The following ZPLD1 variants were observed in gnomAD, a reference collection of about 807,000 sequenced individuals.
ZPLD1 encodes the protein zona pellucida like domain containing 1.
In ZPLD1, 34 loss-of-function variants were observed where a neutral mutation model predicts 47.2. The ratio of observed to expected loss-of-function variants is 0.72; its 90% CI spans 0.55 to 0.96. The LOEUF (loss-of-function observed/expected upper bound fraction) is 0.96. Among genes scored for constraint, ZPLD1 ranks in the 40% least tolerant of loss-of-function variants. The probability of loss-of-function intolerance (pLI) is 0.00; values close to 1 mark genes in which losing one functional copy is unlikely to be tolerated. For missense variants in ZPLD1, 512 were observed against 505.8 expected (o/e 1.01, Z -0.12); for synonymous variants, 176 against 186.2 (o/e 0.95, Z 0.45).
At chr3:102,471,067 C>G (rs1459295001) in intron 10 of ZPLD1, among the ~76,000 whole-genome samples, 1 of 152,076 alleles carries the variant, frequency 6.6e-6, no homozygotes, top group Non-Finnish European at 1.5e-5. Flanking sequence ...GTGATCCCAG[C>G]TCATGCTGGA....
upstream of ZPLD1, among the ~76,000 whole-genome samples, chr3:102,432,868 C>T (rs1224871865): frequency 2.0e-5 from 3 of 152,160 alleles, no homozygotes; most frequent in Admixed American, 1.3e-4. Flanking sequence ...ATGTTCCCCC[C>T]AGCAAGCTTC....
At chr3:102,418,033 A>T (rs1413220480) in intron 7 of ZPLD1, 1 of 152,124 alleles carries the variant, frequency 6.6e-6, no homozygotes, top group East Asian at 1.9e-4. Flanking sequence ...TCTAAAATTC[A>T]GTTTTTTCTT....
rs142772905 is a variant in ZPLD1 at position 102,454,919 on chromosome 3, G to C, written c.328-1274G>C. On this transcript the variant is annotated intron_variant, in intron 4 of 11. Transcript: ENST00000466937. ...TATTTTATTTTCATAGACAGAATTG[G>C]TTGGTTTAGCTATCAAATAAAGCAA... 2.9e-3 allele frequency among the ~76,000 whole-genome samples: 439 copies of C among 152,306 alleles called. 3 individuals are homozygous for C. The highest frequency in any genetic ancestry group is 0.01 in the African/African-American group (419 of 41,552).
intron 6 of ZPLD1, among the ~76,000 whole-genome samples, chr3:102,386,094 A>AT (rs776484976): frequency 2.8e-4 from 42 of 151,854 alleles, no homozygotes; most frequent in Non-Finnish European, 3.5e-4. Flanking sequence ...TCCTTGACTG[A>AT]TTTTTTTTCT....
chr3:102,460,179 A>G (rs1218601807), intron 6 of ZPLD1, among the ~76,000 whole-genome samples: 1 of 152,046 alleles, frequency 6.6e-6, no homozygotes, highest in Non-Finnish European at 1.5e-5. Flanking sequence ...AAATATTATA[A>G]TCTTTTGAAG....
At chr3:102,401,571 G>A (rs1274094111) in intron 7 of ZPLD1, among the ~76,000 whole-genome samples, 8 of 152,084 alleles carry the variant, frequency 5.3e-5, no homozygotes, top group Non-Finnish European at 1.2e-4. Flanking sequence ...AGAAAGAAGA[G>A]CATTCACTGT....
intron 3 of ZPLD1, among the ~76,000 whole-genome samples, chr3:102,449,214 T>G (rs2107331743): frequency 6.6e-6 from 1 of 152,320 alleles, no homozygotes; most frequent in East Asian, 1.9e-4. Context: ...CTACTGATAC[T>G]TCAAGACTGA....
intron 9 of ZPLD1, among the ~76,000 whole-genome samples, chr3:102,469,751 C>G (rs1408868585): frequency 6.6e-6 from 1 of 152,088 alleles, no homozygotes; most frequent in Non-Finnish European, 1.5e-5. Context: ...CGGGAAATCA[C>G]TGAGCTTAAA....
At chr3:102,470,279 A>C in intron 9 of ZPLD1, 115 bp from the exon 10 acceptor site, 1 of 731,336 alleles carries the variant, frequency 1.4e-6, no homozygotes, top group Non-Finnish European at 2.3e-6. Context: ...CACGGAAGGA[A>C]ATGAATAAAA....
At chr3:102,414,167 A>C (rs1003902554) in intron 7 of ZPLD1, among the ~76,000 whole-genome samples, 1 of 151,816 alleles carries the variant, frequency 6.6e-6, no homozygotes, top group Non-Finnish European at 1.5e-5. Context: ...CTAGAGAAGA[A>C]GGGATTCTCA....
chr3:102,466,436 G>T (rs1397883535), intron 8 of ZPLD1, among the ~76,000 whole-genome samples: 8 of 152,008 alleles, frequency 5.3e-5, no homozygotes, highest in Non-Finnish European at 1.2e-4. Context: ...TATCGAAAAT[G>T]GCAGAAAAGA....
intron 3 of ZPLD1, among the ~76,000 whole-genome samples, chr3:102,448,154 T>C (rs1223656332): frequency 6.6e-6 from 1 of 152,206 alleles, no homozygotes; most frequent in Non-Finnish European, 1.5e-5. Flanking sequence ...ATGAAAAGCT[T>C]AGCTTGATTA....
chr3:102,467,931 C>T (rs1167565419), intron 8 of ZPLD1, among the ~76,000 whole-genome samples: 1 of 151,248 alleles, frequency 6.6e-6, no homozygotes, highest in African/African-American at 2.4e-5. Context: ...ATATAACAAC[C>T]AGTAACCACT....
intron 2 of ZPLD1, among the ~76,000 whole-genome samples, chr3:102,437,755 A>T (rs1295974056): frequency 2.6e-5 from 4 of 152,206 alleles, no homozygotes; most frequent in African/African-American, 4.8e-5. Context: ...TGATACATTT[A>T]AAAAAATCTT....
chr3:102,420,928 G>A (rs1706870124), intron 8 of ZPLD1, among the ~76,000 whole-genome samples: 1 of 151,872 alleles, frequency 6.6e-6, no homozygotes, highest in African/African-American at 2.4e-5. Context: ...TATTTCTACT[G>A]CTGTATCTGT....
intron 7 of ZPLD1, among the ~76,000 whole-genome samples, chr3:102,462,910 G>A (rs151324982): frequency 1.6e-4 from 25 of 152,092 alleles, no homozygotes; most frequent in Middle Eastern, 3.4e-3. Context: ...AGCTCTAACC[G>A]TGCCCTATAA....
chr3:102,403,858 C>T (rs1401911955), intron 7 of ZPLD1, among the ~76,000 whole-genome samples: 1 of 151,582 alleles, frequency 6.6e-6, no homozygotes, highest in African/African-American at 2.4e-5. Context: ...TCAAGCCCAA[C>T]CAGTTGATGA....
intron 10 of ZPLD1, among the ~76,000 whole-genome samples, chr3:102,473,714 T>C (rs1707717772): frequency 6.6e-6 from 1 of 152,218 alleles, no homozygotes; most frequent in Non-Finnish European, 1.5e-5. Flanking sequence ...CATGAAAATA[T>C]ATATTTTTAA....
In ZPLD1 at chr3:102,435,125, G is replaced by T. The variant is rs752650477; in HGVS notation, c.-152G>T. On this transcript the variant is annotated 5_prime_UTR_variant, in exon 1 of 12. It adds an upstream start codon to the 5' untranslated region. Transcript: ENST00000466937. The stretch of plus-strand genomic sequence containing the variant: ...GCTTGCTATGGCAAGATGATGCTCA[G>T]GTTTTCCATGTGCAGGGGAAATGAT... 2.5e-6 allele frequency: 4 copies of T among 1,614,148 alleles called. No individual in the cohort carries two copies. The East Asian group carries it at 8.9e-5, about 36-fold the overall frequency.
Sources: gnomAD v4.1 joint callset for allele counts (sites outside exome capture counted in the v4.1 genomes callset) on GRCh38, gnomAD v4.1.1 for gene constraint, MANE v1.5 for transcripts, NCBI Gene and HGNC (gene_info 2026-07-23, HGNC 2026-07-21) for gene names.